LRP1B: variants seen among roughly 807,000 people sequenced by gnomAD.
The protein encoded by LRP1B is low-density lipoprotein receptor-related protein 1B.
Under a neutral mutation model 556.6 loss-of-function variants are expected in LRP1B, and 217 were observed. The ratio of observed to expected loss-of-function variants is 0.39; its 90% CI spans 0.35 to 0.44. The LOEUF (loss-of-function observed/expected upper bound fraction) is 0.44, where lower values mean the gene tolerates loss of function less well. Ranked by LOEUF, LRP1B falls within the 20% of genes least tolerant of loss-of-function variation. LRP1B has a pLI of 1.00. For synonymous variants in LRP1B, 2,047 were observed against 1,865.8 expected, an observed-to-expected ratio of 1.10 and a Z score of -2.50; for missense variants, 5,053 against 5,620.8, an observed-to-expected ratio of 0.90 and a Z score of 3.23.
At chr2:141,205,383 T>C (rs1411936623) in intron 6 of LRP1B, among the ~76,000 whole-genome samples, 2 of 152,224 alleles carry the variant, frequency 1.3e-5, no homozygotes, top group East Asian at 1.9e-4. Context: ...TATCATCCCA[T>C]GGACATAGGA....
At chr2:141,598,793 A>T (rs1281560468) in intron 2 of LRP1B, among the ~76,000 whole-genome samples, 1 of 152,122 alleles carries the variant, frequency 6.6e-6, no homozygotes, top group Non-Finnish European at 1.5e-5. Flanking sequence ...TCTGTGCCAT[A>T]CAGGAGTGTA....
At chr2:141,995,784 T>C (rs1702472975) in intron 1 of LRP1B, among the ~76,000 whole-genome samples, 2 of 152,212 alleles carry the variant, frequency 1.3e-5, no homozygotes, top group Non-Finnish European at 1.5e-5. Flanking sequence ...TATAAAATGT[T>C]AGAATTGTTT....
intron 6 of LRP1B, among the ~76,000 whole-genome samples, chr2:141,225,711 C>T (rs1474635078): frequency 6.6e-6 from 1 of 152,172 alleles, no homozygotes; most frequent in Non-Finnish European, 1.5e-5. Flanking sequence ...TAATGTCTAT[C>T]ATTTCCCCCC....
intron 8 of LRP1B, among the ~76,000 whole-genome samples, chr2:141,061,084 G>T (rs1021006903): frequency 2.6e-5 from 4 of 151,654 alleles, no homozygotes; most frequent in Non-Finnish European, 5.9e-5. Flanking sequence ...GTCCTCTAAG[G>T]TTGTAACTAA....
chr2:142,112,837 T>G (rs1450150123), intron 1 of LRP1B, among the ~76,000 whole-genome samples: 1 of 152,148 alleles, frequency 6.6e-6, no homozygotes, highest in African/African-American at 2.4e-5. Flanking sequence ...CAAAGCCTCT[T>G]GCTAGCCAAT....
intron 41 of LRP1B, among the ~76,000 whole-genome samples, chr2:140,669,240 AAAT>A (rs1170219909): frequency 1.3e-5 from 2 of 152,208 alleles, no homozygotes; most frequent in African/African-American, 4.8e-5. Context: ...GATATAAAAA[AAAT>A]AATGAGACAG....
intron 3 of LRP1B, among the ~76,000 whole-genome samples, chr2:141,353,705 A>T (rs1413477655): frequency 6.6e-6 from 1 of 151,954 alleles, no homozygotes; most frequent in Admixed American, 6.6e-5. Flanking sequence ...TAAGTCCTAG[A>T]TATAACAATT....
intron 2 of LRP1B, among the ~76,000 whole-genome samples, chr2:141,659,464 G>T (rs912285775): frequency 2.6e-5 from 4 of 152,078 alleles, no homozygotes; most frequent in African/African-American, 9.7e-5. Flanking sequence ...ACAACATTTT[G>T]CAGTTAGACT....
intron 1 of LRP1B, among the ~76,000 whole-genome samples, chr2:142,071,173 A>G (rs1340610969): frequency 4.6e-5 from 7 of 151,922 alleles, no homozygotes; most frequent in Non-Finnish European, 7.4e-5. Flanking sequence ...TTCGTAAATG[A>G]AATATACTTT....
At chr2:141,939,701 T>C (rs1387756664) in intron 1 of LRP1B, among the ~76,000 whole-genome samples, 2 of 152,136 alleles carry the variant, frequency 1.3e-5, no homozygotes, top group Non-Finnish European at 2.9e-5. Context: ...GTAAAAATAA[T>C]AGATAATGGT....
At chr2:140,518,001 G>A (rs533472881) in intron 49 of LRP1B, among the ~76,000 whole-genome samples, 6 of 152,050 alleles carry the variant, frequency 3.9e-5, no homozygotes, top group South Asian at 4.2e-4. Flanking sequence ...GAGCCACTGT[G>A]CCCAGCCTAA....
chr2:140,514,260 G>A (rs1341764511), intron 51 of LRP1B, among the ~76,000 whole-genome samples: 6 of 151,894 alleles, frequency 4.0e-5, no homozygotes, highest in Non-Finnish European at 8.8e-5. Flanking sequence ...AACAGCACGT[G>A]TGGCTTGTGG....
intron 2 of LRP1B, among the ~76,000 whole-genome samples, chr2:141,699,015 T>A (rs921419683): frequency 1.3e-5 from 2 of 151,928 alleles, no homozygotes; most frequent in Admixed American, 6.6e-5. Flanking sequence ...ACAGCAGAGA[T>A]AATTTATTCT....
intron 1 of LRP1B, among the ~76,000 whole-genome samples, chr2:141,835,856 TATATA>T (rs557543882): frequency 1.7e-3 from 253 of 152,026 alleles, no homozygotes; most frequent in African/African-American, 5.5e-3. Flanking sequence ...GGTCATAACA[TATATA>T]ATATGAATAT....
chr2:140,492,580 T>G (rs774807845), intron 57 of LRP1B, 28 bp downstream of exon 57: 1 of 1,519,694 alleles, frequency 6.6e-7, no homozygotes, highest in Non-Finnish European at 9.1e-7. Flanking sequence ...ATGTTAAATG[T>G]TACGGTGTCA....
intron 2 of LRP1B, among the ~76,000 whole-genome samples, chr2:141,788,978 G>A (rs948133083): frequency 6.6e-6 from 1 of 151,938 alleles, no homozygotes; most frequent in Non-Finnish European, 1.5e-5. Context: ...ATTGTGAATA[G>A]TGCCACAATA....
At chr2:141,054,536 A>G (rs750050458) in intron 10 of LRP1B, among the ~76,000 whole-genome samples, 4 of 152,068 alleles carry the variant, frequency 2.6e-5, no homozygotes, top group Non-Finnish European at 5.9e-5. Flanking sequence ...TTTTTAAAAT[A>G]AAACAAAGAT....
At chr2:141,286,899 A>G in intron 3 of LRP1B, 1 of 272,792 alleles carries the variant, frequency 3.7e-6, no homozygotes, top group South Asian at 3.1e-5. Context: ...TCTGGTAACT[A>G]ATAGCCATAT....
intron 3 of LRP1B, among the ~76,000 whole-genome samples, chr2:141,331,622 A>G (rs2714186): frequency 0.59 from 89,042 of 151,116 alleles, 27,313 homozygotes; most frequent in African/African-American, 0.71. Flanking sequence ...TTAAAATTTA[A>G]AAAACACTGA....
Sources: allele counts gnomAD v4.1 joint callset (sites outside exome capture counted in the v4.1 genomes callset), GRCh38; gene constraint gnomAD v4.1.1; transcripts MANE v1.5; gene names NCBI Gene and HGNC (gene_info 2026-07-23, HGNC 2026-07-21).